MYT1L: variants seen among roughly 807,000 people sequenced by gnomAD.
The protein encoded by MYT1L is myelin transcription factor 1 like, also known as myelin transcription factor 1-like protein.
In MYT1L, 12 loss-of-function variants were observed where a neutral mutation model predicts 126.7. That is an observed-to-expected ratio of 0.09 (90% CI 0.06 to 0.15). MYT1L has a LOEUF of 0.15. MYT1L is among the 10% of genes least tolerant of loss of function. MYT1L has a pLI of 1.00. For synonymous variants in MYT1L, 541 were observed against 604.2 expected, an observed-to-expected ratio of 0.90 and a Z score of 1.53; for missense variants, 979 against 1,585.2, an observed-to-expected ratio of 0.62 and a Z score of 6.49.
At chr2:1,954,532 C>T (rs997046873) in intron 8 of MYT1L, among the ~76,000 whole-genome samples, 4 of 152,238 alleles carry the variant, frequency 2.6e-5, no homozygotes, top group South Asian at 4.2e-4. Flanking sequence ...GATGGGCCTG[C>T]ATTTAGTGCA....
At chr2:1,898,075 T>C (rs2049856459) in intron 14 of MYT1L, among the ~76,000 whole-genome samples, 1 of 152,230 alleles carries the variant, frequency 6.6e-6, no homozygotes, top group African/African-American at 2.4e-5. Context: ...GTAGGACCTT[T>C]TCATTCACCT....
chr2:2,138,746 A>C (rs1239993419), intron 3 of MYT1L, among the ~76,000 whole-genome samples: 1 of 146,644 alleles, frequency 6.8e-6, no homozygotes, highest in African/African-American at 2.5e-5. Flanking sequence ...CTAATGCTAG[A>C]TGACGAGTTA....
At chr2:2,276,793 A>G (rs971068546) in intron 2 of MYT1L, among the ~76,000 whole-genome samples, 1 of 151,490 alleles carries the variant, frequency 6.6e-6, no homozygotes, top group African/African-American at 2.4e-5. Flanking sequence ...CCTCCTCATG[A>G]TTCTCTCTTG....
At chr2:1,807,393 C>T (rs979419507) in intron 22 of MYT1L, among the ~76,000 whole-genome samples, 5 of 152,132 alleles carry the variant, frequency 3.3e-5, no homozygotes, top group Non-Finnish European at 1.5e-5. Flanking sequence ...TTGGGAGCTG[C>T]TCAGGTGTGG....
intron 2 of MYT1L, among the ~76,000 whole-genome samples, chr2:2,211,960 T>G (rs970973834): frequency 6.6e-6 from 1 of 152,052 alleles, no homozygotes; most frequent in Non-Finnish European, 1.5e-5. Flanking sequence ...ATAAATCTAT[T>G]CACTGAGGCC....
chr2:2,080,938 G>A (rs1176439591), intron 3 of MYT1L, among the ~76,000 whole-genome samples: 1 of 152,168 alleles, frequency 6.6e-6, no homozygotes, highest in African/African-American at 2.4e-5. Flanking sequence ...TTCTATTTAT[G>A]TAAAATGTCC....
intron 4 of MYT1L, among the ~76,000 whole-genome samples, chr2:2,048,175 A>G (rs183958258): frequency 6.6e-5 from 10 of 152,254 alleles, no homozygotes; most frequent in Admixed American, 2.0e-4. Flanking sequence ...AACCATTAGT[A>G]CCAGTAATCT....
intron 3 of MYT1L, among the ~76,000 whole-genome samples, chr2:2,124,847 G>A (rs79217868): frequency 0.046 from 6,972 of 152,254 alleles, 240 homozygotes; most frequent in African/African-American, 0.089. Flanking sequence ...TGTGGCACAG[G>A]TGGGGCTGCC....
intron 21 of MYT1L, among the ~76,000 whole-genome samples, chr2:1,813,107 G>A (rs61100778): frequency 0.035 from 5,316 of 152,242 alleles, 128 homozygotes; most frequent in African/African-American, 0.056. Flanking sequence ...GCCTTCCGCC[G>A]TCTGAACCTC....
At chr2:1,813,079 C>T (rs945445112) in intron 21 of MYT1L, among the ~76,000 whole-genome samples, 1 of 152,100 alleles carries the variant, frequency 6.6e-6, no homozygotes, top group Non-Finnish European at 1.5e-5. Context: ...CCCATCTTTC[C>T]CCCGCTGAAC....
intron 2 of MYT1L, among the ~76,000 whole-genome samples, chr2:2,227,384 T>C (rs1025654409): frequency 5.3e-5 from 8 of 152,308 alleles, no homozygotes; most frequent in Middle Eastern, 3.4e-3. Context: ...AGCTTCCCCG[T>C]CCACAGTGGA....
In MYT1L at chr2:2,218,125, G is replaced by A. The variant is rs114615152; in HGVS notation, c.-420-45137C>T. On this transcript the variant is annotated intron_variant, in intron 2 of 24. Transcript: ENST00000647738. ...GAGCTCATATACTGCAGGTGGGAATGTAAAATGGTAGACTTTGGAGAAAGT... is the reference window on the plus strand; with the variant it reads ...GAGCTCATATACTGCAGGTGGGAATATAAAATGGTAGACTTTGGAGAAAGT... Among the ~76,000 whole-genome samples the A allele has an allele frequency of 3.8e-3, 580 of 152,298 alleles. 5 individuals carry two copies. Among genetic ancestry groups the A allele is most frequent in the Non-Finnish European group, 5.8e-3 (392 of 68,018 alleles).
chr2:2,099,083 T>C (rs2077753370), intron 3 of MYT1L, among the ~76,000 whole-genome samples: 2 of 152,158 alleles, frequency 1.3e-5, no homozygotes, highest in African/African-American at 4.8e-5. Context: ...GACAAATGCA[T>C]TGCAGATCAG....
In MYT1L at chr2:2,183,725, G is replaced by C. The variant is rs1472201333; in HGVS notation, c.-420-10737C>G. Among the ~76,000 whole-genome samples the C allele has an allele frequency of 2.0e-5, 3 of 150,374 alleles. No homozygotes were observed. The East Asian group carries it at 5.9e-4, about 30-fold the overall frequency. The stretch of plus-strand genomic sequence containing the variant: ...TATATACTAGAAAAAATACTTTGGA[G>C]ATATAACTAAAAGAAGGAAGGAAGG... On this transcript the variant is annotated intron_variant, in intron 2 of 24. Coordinates refer to ENST00000647738, the MANE Select transcript of MYT1L (RefSeq NM_001303052.2).
intron 13 of MYT1L, among the ~76,000 whole-genome samples, chr2:1,907,676 C>T (rs988091128): frequency 1.3e-5 from 2 of 152,250 alleles, no homozygotes; most frequent in Non-Finnish European, 2.9e-5. Flanking sequence ...GTCTCAGGCT[C>T]TTGTTCATTG....
intron 9 of MYT1L, among the ~76,000 whole-genome samples, chr2:1,933,667 C>G (rs2055331347): frequency 2.0e-5 from 3 of 152,044 alleles, no homozygotes; most frequent in Admixed American, 2.0e-4. Flanking sequence ...GTTTCTGGAG[C>G]ATCAGGAGAA....
chr2:2,272,908 C>A (rs1436679672), intron 2 of MYT1L, among the ~76,000 whole-genome samples: 1 of 152,178 alleles, frequency 6.6e-6, no homozygotes, highest in Non-Finnish European at 1.5e-5. Flanking sequence ...TGTCTCCCAT[C>A]TCCACCCCTG....
intron 8 of MYT1L, among the ~76,000 whole-genome samples, chr2:1,975,471 G>A (rs2149469263): frequency 6.6e-6 from 1 of 152,376 alleles, no homozygotes. Context: ...GCTCATGCCT[G>A]TAATCCCAGC....
chr2:2,244,309 A>G (rs1332324172), intron 2 of MYT1L, among the ~76,000 whole-genome samples: 1 of 152,224 alleles, frequency 6.6e-6, no homozygotes, highest in Non-Finnish European at 1.5e-5. Flanking sequence ...TTGCAAAATT[A>G]AACAGTAAAC....
Sources: allele counts gnomAD v4.1 joint callset (sites outside exome capture counted in the v4.1 genomes callset), GRCh38; gene constraint gnomAD v4.1.1; transcripts MANE v1.5; gene names NCBI Gene and HGNC (gene_info 2026-07-23, HGNC 2026-07-21).